Variants in STON2 observed in about 807,000 individuals in gnomAD.
The protein encoded by STON2 is stonin-2.
In STON2, 29 loss-of-function variants were observed where a neutral mutation model predicts 65.7. The ratio of observed to expected loss-of-function variants is 0.44; its 90% CI spans 0.33 to 0.60. The LOEUF (loss-of-function observed/expected upper bound fraction) is 0.60, where lower values mean the gene tolerates loss of function less well. Ranked by LOEUF, STON2 falls within the 20% of genes least tolerant of loss-of-function variation. STON2 has a pLI of 0.03. For missense variants in STON2, 1,054 were observed against 1,118.1 expected, an observed-to-expected ratio of 0.94 and a Z score of 0.82; for synonymous variants, 404 against 414.2, an observed-to-expected ratio of 0.98 and a Z score of 0.30.
intron 5 of STON2, among the ~76,000 whole-genome samples, chr14:81,319,222 G>C (rs187799923): frequency 2.2e-4 from 34 of 152,244 alleles, no homozygotes; most frequent in Non-Finnish European, 4.3e-4. Context: ...AGCAACAACT[G>C]GTACATATGC....
chr14:81,346,425 G>T (rs1374619218), intron 4 of STON2, among the ~76,000 whole-genome samples: 1 of 152,094 alleles, frequency 6.6e-6, no homozygotes, highest in Non-Finnish European at 1.5e-5. Flanking sequence ...CAGAGAAAAG[G>T]ATGTATGATC....
intron 5 of STON2, among the ~76,000 whole-genome samples, chr14:81,303,980 T>A (rs1026363094): frequency 3.9e-5 from 6 of 152,180 alleles, no homozygotes; most frequent in African/African-American, 7.2e-5. Context: ...CGACCGTGAA[T>A]AATGACTATC....
chr14:81,301,068 G>A (rs909102923), intron 5 of STON2, among the ~76,000 whole-genome samples: 4 of 151,984 alleles, frequency 2.6e-5, no homozygotes, highest in African/African-American at 9.7e-5. Context: ...AATCTCAGAA[G>A]TTACTATTGC....
intron 4 of STON2, among the ~76,000 whole-genome samples, chr14:81,325,490 C>G (rs1896974521): frequency 1.3e-5 from 2 of 151,884 alleles, no homozygotes; most frequent in South Asian, 2.1e-4. Context: ...AAACTTCAAA[C>G]AGTATATAAG....
At chr14:81,270,997 C>G in intron 6 of STON2, 125 bp from the exon 7 acceptor site, 1 of 1,307,342 alleles carries the variant, frequency 7.6e-7, no homozygotes. Flanking sequence ...TTCAGAGGGT[C>G]CAGTGTTGAG....
At position 81,384,638 on chromosome 14, in the gene STON2, T is replaced by C. The variant is rs546182121; in HGVS notation, c.373+11256A>G. Among the ~76,000 whole-genome samples, 405 of 152,316 alleles carry C rather than the reference T, an allele frequency of 2.7e-3. 2 individuals carry two copies. Among genetic ancestry groups the C allele is most frequent in the African/African-American group, 9.4e-3 (391 of 41,562 alleles). On this transcript the variant is annotated intron_variant, in intron 3 of 7. Coordinates refer to ENST00000614646, the MANE Select transcript of STON2 (RefSeq NM_001394390.1). ...TCCATGGGGCACGAGTATTTGGCTG[T>C]ATCCACAGTGTTTGAACATGACTTG...
intron 2 of STON2, among the ~76,000 whole-genome samples, chr14:81,426,839 G>GT (rs1323963590): frequency 6.6e-6 from 1 of 152,108 alleles, no homozygotes; most frequent in East Asian, 1.9e-4. Flanking sequence ...ATAACTCACC[G>GT]TGAGTACCTT....
rs1050618116 is a variant in STON2, at chr14:81,264,358, G to C, written c.*4056C>G. 1.0e-6 allele frequency: 1 copy of C among 985,346 alleles called. No homozygotes were observed. The highest frequency in any genetic ancestry group is 6.1e-5 in the Admixed American group (1 of 16,272). The allele number at this position is 985,346 out of a possible 1,614,324, so 61.0% of individuals were successfully genotyped here. A position where few individuals can be genotyped will look rare whatever the true frequency, so the allele number is the denominator to read the frequency against. ...CTTGCTGGCTTTATTATGAGTATTT[G>C]ATGATAAGTAAGGGTTAAGTAGCCT... On this transcript the variant is annotated 3_prime_UTR_variant, in exon 8 of 8. Transcript: ENST00000614646.
chr14:81,423,729 C>T (rs1901828464), intron 2 of STON2, among the ~76,000 whole-genome samples: 1 of 152,154 alleles, frequency 6.6e-6, no homozygotes, highest in African/African-American at 2.4e-5. Flanking sequence ...GGCAGCTGCA[C>T]AGGGGCCCCT....
chr14:81,312,413 G>A (rs1346667422), intron 5 of STON2, among the ~76,000 whole-genome samples: 1 of 152,186 alleles, frequency 6.6e-6, no homozygotes, highest in African/African-American at 2.4e-5. Flanking sequence ...TCAAGGTAAC[G>A]CAAAGAGGCT....
intron 2 of STON2, among the ~76,000 whole-genome samples, chr14:81,425,674 C>T (rs887221770): frequency 2.0e-5 from 3 of 152,038 alleles, no homozygotes; most frequent in Non-Finnish European, 4.4e-5. Flanking sequence ...GGTTATTATA[C>T]GTAATACTAA....
chr14:81,358,821 C>T (rs183396270), intron 4 of STON2, among the ~76,000 whole-genome samples: 10 of 152,194 alleles, frequency 6.6e-5, no homozygotes, highest in Non-Finnish European at 8.8e-5. Context: ...ATTAAGGGGT[C>T]AATTCATCAA....
chr14:81,382,077 G>A (rs1899548125), intron 3 of STON2, among the ~76,000 whole-genome samples: 1 of 152,044 alleles, frequency 6.6e-6, no homozygotes, highest in Admixed American at 6.6e-5. Flanking sequence ...AAATTAGCCA[G>A]GTGTGGTGGC....
chr14:81,359,182 T>C (rs993716441), intron 4 of STON2, among the ~76,000 whole-genome samples: 30 of 152,184 alleles, frequency 2.0e-4, no homozygotes, highest in African/African-American at 7.0e-4. Context: ...TGAAATCATA[T>C]CAAGTGTGTT....
At chr14:81,402,250 T>C (rs935532885), upstream of STON2, among the ~76,000 whole-genome samples, 3 of 152,098 alleles carry the variant, frequency 2.0e-5, no homozygotes, top group South Asian at 6.2e-4. Flanking sequence ...TTTTCAGCCA[T>C]CAGTACCTCC....
At chr14:81,429,257 C>A (rs1452464262) in intron 1 of STON2, among the ~76,000 whole-genome samples, 2 of 152,218 alleles carry the variant, frequency 1.3e-5, no homozygotes, top group African/African-American at 4.8e-5. Flanking sequence ...TTAAGCTAGA[C>A]ACCACCAAAT....
intron 2 of STON2, among the ~76,000 whole-genome samples, chr14:81,420,140 T>C (rs1282398006): frequency 6.6e-6 from 1 of 152,196 alleles, no homozygotes; most frequent in Non-Finnish European, 1.5e-5. Context: ...TGGTACTTCA[T>C]CTGGGTCCTG....
At chr14:81,353,198 T>G (rs961213143) in intron 4 of STON2, among the ~76,000 whole-genome samples, 1 of 152,202 alleles carries the variant, frequency 6.6e-6, no homozygotes, top group Non-Finnish European at 1.5e-5. Flanking sequence ...TAGTCTTACA[T>G]TTGAAAACAT....
At chr14:81,313,441 T>A (rs996881594) in intron 5 of STON2, among the ~76,000 whole-genome samples, 1 of 151,838 alleles carries the variant, frequency 6.6e-6, no homozygotes, top group Non-Finnish European at 1.5e-5. Flanking sequence ...ACAAAACAGA[T>A]TGGGTGCTTG....
Sources: gnomAD v4.1 joint callset for allele counts (sites outside exome capture counted in the v4.1 genomes callset) on GRCh38, gnomAD v4.1.1 for gene constraint, MANE v1.5 for transcripts, NCBI Gene and HGNC (gene_info 2026-07-23, HGNC 2026-07-21) for gene names.